The following CEP85L variants were observed in gnomAD, a reference collection of about 807,000 sequenced individuals.
The protein encoded by CEP85L is centrosomal protein 85L.
In CEP85L, 60 loss-of-function variants were observed where a neutral mutation model predicts 100.3. That is an observed-to-expected ratio of 0.60 (90% CI 0.49 to 0.74). The LOEUF is 0.74. Among genes scored for constraint, CEP85L ranks in the 30% least tolerant of loss-of-function variants. The pLI is 0.00. For synonymous variants in CEP85L, 319 were observed against 322.7 expected (o/e 0.99, Z 0.12); for missense variants, 973 against 936.2 (o/e 1.04, Z -0.51).
Position 118,651,483 on chromosome 6 carries a change from G to A in CEP85L, c.-214C>T. 7.7e-7 allele frequency: 1 copy of A among 1,300,210 alleles called. No homozygotes were observed. The highest frequency in any genetic ancestry group is 9.7e-7 in the Non-Finnish European group (1 of 1,026,708). The allele number at this position is 1,300,210 out of a possible 1,614,324, so 80.5% of individuals were successfully genotyped here. A position where few individuals can be genotyped will look rare whatever the true frequency, so the allele number is the denominator to read the frequency against. Reference sequence around the variant, plus strand: ...GGCGCCTGCCATGGCCAAGCCGGCTGGGCTGAGGCCCGCGCCGGGGAAGCG... The same window carrying A: ...GGCGCCTGCCATGGCCAAGCCGGCTAGGCTGAGGCCCGCGCCGGGGAAGCG... On this transcript the variant is annotated 5_prime_UTR_variant, in exon 1 of 13. Transcript: ENST00000368491.
chr6:118,705,819 A>G (rs1213175350), intron 1 of CEP85L, among the ~76,000 whole-genome samples: 1 of 152,240 alleles, frequency 6.6e-6, no homozygotes, highest in African/African-American at 2.4e-5. Flanking sequence ...ACACTAGGGC[A>G]GAGTAACAGA....
At chr6:118,695,170 C>G (rs1057039820) in intron 1 of CEP85L, among the ~76,000 whole-genome samples, 1 of 152,190 alleles carries the variant, frequency 6.6e-6, no homozygotes, top group Non-Finnish European at 1.5e-5. Context: ...AAGATATAAG[C>G]ATGGTCAAAT....
intron 3 of CEP85L, among the ~76,000 whole-genome samples, chr6:118,562,645 GCTA>G (rs1779292054): frequency 1.3e-5 from 2 of 152,078 alleles, no homozygotes; most frequent in Non-Finnish European, 2.9e-5. Context: ...ACAGGGGTGA[GCTA>G]CCATGCTTGG....
intron 2 of CEP85L, among the ~76,000 whole-genome samples, chr6:118,619,658 A>G (rs1039108782): frequency 1.3e-5 from 2 of 152,190 alleles, no homozygotes; most frequent in Non-Finnish European, 2.9e-5. Context: ...AGGCCCACCC[A>G]TGTGCATGTC....
intron 3 of CEP85L, among the ~76,000 whole-genome samples, chr6:118,551,799 T>C (rs1778562213): frequency 1.3e-5 from 2 of 152,020 alleles, no homozygotes; most frequent in Non-Finnish European, 2.9e-5. Flanking sequence ...AGCTCTGGAA[T>C]GTTGCTACCA....
intron 1 of CEP85L, among the ~76,000 whole-genome samples, chr6:118,691,497 C>T (rs886274828): frequency 6.7e-6 from 1 of 148,222 alleles, no homozygotes; most frequent in African/African-American, 2.5e-5. Flanking sequence ...CGCAGCATTG[C>T]ACTCTAGCCT....
intron 5 of CEP85L, among the ~76,000 whole-genome samples, chr6:118,500,184 G>A (rs139093025): frequency 2.0e-5 from 3 of 151,606 alleles, no homozygotes; most frequent in Non-Finnish European, 4.4e-5. Context: ...ACACACACCT[G>A]TACTCCCAGC....
At chr6:118,640,307 T>A (rs548604748) in intron 1 of CEP85L, among the ~76,000 whole-genome samples, 1 of 148,944 alleles carries the variant, frequency 6.7e-6, no homozygotes, top group Non-Finnish European at 1.5e-5. Context: ...AGTCTTAGTT[T>A]GTTTCTTTTA....
At chr6:118,605,795 G>A (rs1348460040) in intron 2 of CEP85L, among the ~76,000 whole-genome samples, 1 of 152,066 alleles carries the variant, frequency 6.6e-6, no homozygotes, top group African/African-American at 2.4e-5. Flanking sequence ...GGCAGATCAC[G>A]AGGTCAGGAG....
chr6:118,593,963 G>A (rs916996469), intron 2 of CEP85L, among the ~76,000 whole-genome samples: 6 of 152,006 alleles, frequency 3.9e-5, no homozygotes, highest in African/African-American at 1.5e-4. Flanking sequence ...TCACCTTTTT[G>A]GGCCTCAACC....
chr6:118,508,643 T>C (rs1775796054), intron 5 of CEP85L, among the ~76,000 whole-genome samples: 4 of 152,062 alleles, frequency 2.6e-5, no homozygotes, highest in Admixed American at 2.6e-4. Flanking sequence ...AATAAGAAAA[T>C]AGAAGTTACT....
At chr6:118,513,821 AAAG>A (rs1157968939) in intron 4 of CEP85L, among the ~76,000 whole-genome samples, 11 of 152,174 alleles carry the variant, frequency 7.2e-5, no homozygotes, top group Non-Finnish European at 1.3e-4. Flanking sequence ...TACACAAAAG[AAAG>A]AAGAATACCA....
At chr6:118,490,220 G>A (rs1260285923) in intron 6 of CEP85L, among the ~76,000 whole-genome samples, 2 of 152,252 alleles carry the variant, frequency 1.3e-5, no homozygotes, top group South Asian at 2.1e-4. Flanking sequence ...ACTCTTCGAT[G>A]CATACAAAGT....
chr6:118,570,623 TAA>T (rs1562271898), intron 2 of CEP85L, among the ~76,000 whole-genome samples: 1 of 152,160 alleles, frequency 6.6e-6, no homozygotes, highest in South Asian at 2.1e-4. Context: ...AATCTTGGCA[TAA>T]AAAAAGTTGC....
chr6:118,567,770 C>T (rs575595584), intron 2 of CEP85L, among the ~76,000 whole-genome samples: 11 of 152,178 alleles, frequency 7.2e-5, no homozygotes, highest in East Asian at 5.8e-4. Flanking sequence ...CAGATTAAAA[C>T]GAGCCAGGTA....
At chr6:118,555,655 T>C (rs1358224121) in intron 3 of CEP85L, among the ~76,000 whole-genome samples, 1 of 152,174 alleles carries the variant, frequency 6.6e-6, no homozygotes, top group Non-Finnish European at 1.5e-5. Context: ...GTCCCTTATT[T>C]TTAACTTTTG....
intron 2 of CEP85L, among the ~76,000 whole-genome samples, chr6:118,582,988 A>G (rs1008654913): frequency 6.6e-6 from 1 of 152,224 alleles, no homozygotes; most frequent in Non-Finnish European, 1.5e-5. Flanking sequence ...ACGCTTGTAA[A>G]GTCCAGGATC....
Position 118,600,301 on chromosome 6 carries a change from GTGTGTGTGTGT to G in CEP85L, c.232+32141_232+32151del, listed in dbSNP as rs1205965792. Among the ~76,000 whole-genome samples, 121 of 30,410 alleles carry G rather than the reference GTGTGTGTGTGT, an allele frequency of 4.0e-3. 13 individuals carry two copies. Among genetic ancestry groups the G allele is most frequent in the Non-Finnish European group, 5.4e-3 (81 of 15,088 alleles). 20.0% of individuals were successfully genotyped at this position (30,410 alleles called of 152,430 possible). A position where few individuals can be genotyped will look rare whatever the true frequency, so the allele number is the denominator to read the frequency against. On this transcript the variant is annotated intron_variant, in intron 2 of 12. Coordinates refer to ENST00000368491, the MANE Select transcript of CEP85L (RefSeq NM_001042475.3). ...TGCCTGTCCCTGAGCCTTCCTGGGG[GTGTGTGTGTGT>G]GTGTGTGTGTGTGTGTGTGTGTGTG...
intron 1 of CEP85L, among the ~76,000 whole-genome samples, chr6:118,637,539 GA>G (rs72324250): frequency 0.65 from 89,730 of 137,228 alleles, 28,786 homozygotes; most frequent in Non-Finnish European, 0.71. Flanking sequence ...CTCTACAAAA[GA>G]AAAAAAAAAA....
Sources: gnomAD v4.1 joint callset for allele counts (sites outside exome capture counted in the v4.1 genomes callset) on GRCh38, gnomAD v4.1.1 for gene constraint, MANE v1.5 for transcripts, NCBI Gene and HGNC (gene_info 2026-07-23, HGNC 2026-07-21) for gene names.